The following RBMXL1 variants were observed in gnomAD, a reference collection of about 807,000 sequenced individuals.
The protein encoded by RBMXL1 is RNA binding motif protein, X-linked-like-1.
Under a neutral mutation model 29.0 loss-of-function variants are expected in RBMXL1, and 18 were observed. The ratio of observed to expected loss-of-function variants is 0.62; its 90% CI spans 0.43 to 0.92. The LOEUF is 0.92. RBMXL1 is among the 40% of genes least tolerant of loss of function. The probability of loss-of-function intolerance (pLI) is 0.00; values close to 1 mark genes in which losing one functional copy is unlikely to be tolerated. For synonymous variants in RBMXL1, 141 were observed against 170.4 expected, an observed-to-expected ratio of 0.83 and a Z score of 1.34; for missense variants, 403 against 495.8, an observed-to-expected ratio of 0.81 and a Z score of 1.78.
intron 2 of RBMXL1, among the ~76,000 whole-genome samples, chr1:88,986,192 A>G (rs1043369337): frequency 3.3e-5 from 5 of 150,106 alleles, no homozygotes; most frequent in Admixed American, 6.6e-5. Context: ...AAAAAAAAAA[A>G]AGAGAGAGAG....
intron 1 of RBMXL1, among the ~76,000 whole-genome samples, chr1:88,991,807 G>A (rs1035461494): frequency 6.6e-6 from 1 of 152,236 alleles, no homozygotes; most frequent in Non-Finnish European, 1.5e-5. Flanking sequence ...GGGCTGACCT[G>A]CAGCCCCAGT....
At position 88,982,937 on chromosome 1, in the gene RBMXL1, G is replaced by C; in HGVS notation, c.890C>G (p.Thr297Arg). Residue 297 changes from threonine (T) to arginine (R), a missense_variant, in exon 3 of 3, where the codon ACA becomes AGA. Transcript: ENST00000652648. Reference sequence around the variant, plus strand: ...ACCATAAGATGGCGGGGGCCCTCGTGTAAGTGGAGCACTACGTGAGTTACC... The same window carrying C: ...ACCATAAGATGGCGGGGGCCCTCGTCTAAGTGGAGCACTACGTGAGTTACC... ...SYGNSRSAPLTRGPPPSYGGS... is the reference protein window; with the variant it reads ...SYGNSRSAPLRRGPPPSYGGS... 1 of 1,613,982 alleles carries C rather than the reference G, an allele frequency of 6.2e-7. No individual in the cohort carries two copies. Among genetic ancestry groups the C allele is most frequent in the South Asian group, 1.1e-5 (1 of 91,076 alleles).
At position 88,983,357 on chromosome 1, in the gene RBMXL1, C is replaced by G. The variant is rs752891442; in HGVS notation, c.470G>C (p.Ser157Thr). The G allele has an allele frequency of 3.6e-5, 58 of 1,614,064 alleles. No individual in the cohort carries two copies. Among genetic ancestry groups the G allele is most frequent in the Non-Finnish European group, 4.7e-5 (55 of 1,180,032 alleles). The change falls in exon 3 of 3, where the codon AGT (serine) becomes ACT (threonine). Residue 157 changes from serine (S) to threonine (T), a missense_variant. Ser to Thr is a moderately conservative substitution (Grantham distance 58). Coordinates refer to ENST00000652648, the MANE Select transcript of RBMXL1 (RefSeq NM_001162536.3). ...LPVKRGPPPRSGGPSPKRSAP... is the reference protein window; with the variant it reads ...LPVKRGPPPRTGGPSPKRSAP... ...AGATCTCTTAGGAGAAGGACCCCCACTTCTTGGTGGTGGTCCTCTTTTTAC... is the reference window on the plus strand; with the variant it reads ...AGATCTCTTAGGAGAAGGACCCCCAGTTCTTGGTGGTGGTCCTCTTTTTAC...
Position 88,982,126 on chromosome 1 carries a change from G to A in RBMXL1, c.*528C>T. On this transcript the variant is annotated 3_prime_UTR_variant, in exon 3 of 3. Transcript: ENST00000652648. ...TCCATTTGCTTTTTTTGGGTTTACT[G>A]GGTGAATAGCACTTTCCTTACATAG... 1.0e-6 allele frequency: 1 copy of A among 981,344 alleles called. No individual in the cohort carries two copies. Among genetic ancestry groups the A allele is most frequent in the African/African-American group, 1.7e-5 (1 of 57,174 alleles). The allele number at this position is 981,344 out of a possible 1,614,324, so 60.8% of individuals were successfully genotyped here.
At position 88,979,729 on chromosome 1, in the gene RBMXL1, G is replaced by A. The variant is rs1204635129; in HGVS notation, c.*2925C>T. The A allele has an allele frequency of 3.3e-5, 5 of 152,208 alleles. No homozygotes were observed. Among genetic ancestry groups the A allele is most frequent in the African/African-American group, 1.2e-4 (5 of 41,454 alleles). 9.4% of individuals were successfully genotyped at this position (152,208 alleles called of 1,614,324 possible). ...ATACAACCCTGGTGGGAATATAAAA[G>A]GGTATAGCCCCTTTGGAAAACAAAC... On this transcript the variant is annotated 3_prime_UTR_variant, in exon 3 of 3. Transcript: ENST00000652648.
rs779772048 is a variant in RBMXL1, at chr1:88,983,007, C to A, written c.820G>T (p.Asp274Tyr). The change falls in exon 3 of 3, where the codon GAT (aspartate) becomes TAT (tyrosine). Residue 274 changes from aspartate to tyrosine, a missense_variant. Coordinates refer to ENST00000652648, the MANE Select transcript of RBMXL1 (RefSeq NM_001162536.3). ...CTGTAGGAACCTCCACTTGGATGAT[C>A]TGAATAGTCACGATCACGACCATAT... ...DGYGRDRDYS[D>Y]HPSGGSYRDS... 1 of 1,613,138 alleles carries A rather than the reference C, an allele frequency of 6.2e-7. No individual in the cohort carries two copies. The highest frequency in any genetic ancestry group is 1.3e-5 in the African/African-American group (1 of 75,034).
chr1:88,990,189 A>T (rs1176678930), intron 1 of RBMXL1, among the ~76,000 whole-genome samples: 1 of 152,084 alleles, frequency 6.6e-6, no homozygotes, highest in Non-Finnish European at 1.5e-5. Flanking sequence ...CTTAGATCTC[A>T]TTCCCTCTAC....
chr1:88,983,515 A>T lies in RBMXL1; in HGVS notation c.312T>A (p.Gly104=), dbSNP rs780564615. ...HGPPPPPRSR[G]PPRGFGAGRG... is the part of the protein sequence containing the mutation. ...TTCCAGCTCCAAAACCTCTTGGAGG[A>T]CCTCTACTTCTTGGAGGTGGGGGCG... The change falls in exon 3 of 3, where the codon GGT becomes GGA. Residue 104 remains glycine, a synonymous_variant. Transcript: ENST00000652648. The T allele has an allele frequency of 7.5e-6, 12 of 1,609,598 alleles. No individual in the cohort carries two copies. Among genetic ancestry groups the T allele is most frequent in the Non-Finnish European group, 1.0e-5 (12 of 1,178,706 alleles).
At chr1:88,991,442 G>A (rs922056082) in intron 1 of RBMXL1, among the ~76,000 whole-genome samples, 1 of 152,248 alleles carries the variant, frequency 6.6e-6, no homozygotes, top group African/African-American at 2.4e-5. Flanking sequence ...ACTGTTACAA[G>A]AGTCCGACCA....
At chr1:88,990,573 C>T (rs1169987704) in intron 1 of RBMXL1, among the ~76,000 whole-genome samples, 2 of 152,224 alleles carry the variant, frequency 1.3e-5, no homozygotes, top group Non-Finnish European at 2.9e-5. Context: ...CTTTTGACAT[C>T]TTACAATCTC....
At chr1:88,984,717 T>C (rs928472169) in intron 2 of RBMXL1, among the ~76,000 whole-genome samples, 1 of 152,210 alleles carries the variant, frequency 6.6e-6, no homozygotes, top group Non-Finnish European at 1.5e-5. Context: ...ACAGCACAGC[T>C]TTAGGGCTGA....
intron 1 of RBMXL1, among the ~76,000 whole-genome samples, chr1:88,990,430 T>C (rs955264146): frequency 1.3e-5 from 2 of 152,242 alleles, no homozygotes; most frequent in African/African-American, 4.8e-5. Context: ...CAACTCTTGC[T>C]AAAGTCAGTT....
chr1:88,984,204 C>CCTTT (rs1677299475), intron 2 of RBMXL1, 138 bp from the exon 3 acceptor site: 1 of 81,470 alleles, frequency 1.2e-5, no homozygotes, highest in Non-Finnish European at 2.6e-5. Flanking sequence ...TTTTTTGTTG[C>CCTTT]TTTTTTTTTT....
chr1:88,984,204 C>CTTTT (rs908183722), intron 2 of RBMXL1, 138 bp from the exon 3 acceptor site: 4,303 of 81,740 alleles, frequency 0.053, 683 homozygotes, highest in Non-Finnish European at 0.086. Context: ...TTTTTTGTTG[C>CTTTT]TTTTTTTTTT....
intron 2 of RBMXL1, among the ~76,000 whole-genome samples, chr1:88,986,858 G>A (rs370762195): frequency 9.9e-5 from 15 of 152,094 alleles, no homozygotes; most frequent in Non-Finnish European, 8.8e-5. Flanking sequence ...TTTTTCATTC[G>A]TCCAGCAATA....
Position 88,982,478 on chromosome 1 carries a change from T to C in RBMXL1, c.*176A>G, listed in dbSNP as rs1337068001. The C allele has an allele frequency of 4.5e-6, 5 of 1,108,724 alleles. No individual in the cohort carries two copies. Among genetic ancestry groups the C allele is most frequent in the Non-Finnish European group, 6.3e-6 (5 of 797,662 alleles). The allele number at this position is 1,108,724 out of a possible 1,614,324, so 68.7% of individuals were successfully genotyped here. On this transcript the variant is annotated 3_prime_UTR_variant, in exon 3 of 3. Transcript: ENST00000652648. ...TCATAAAGTCAAATAAAATTAAACA[T>C]GTTTTACTTTTTTCCTCACAAGAAC...
At chr1:88,987,722 T>C (rs1677545831) in intron 2 of RBMXL1, among the ~76,000 whole-genome samples, 1 of 152,222 alleles carries the variant, frequency 6.6e-6, no homozygotes, top group Admixed American at 6.5e-5. Flanking sequence ...CTTGGCATAT[T>C]ATCTAAAAAA....
rs1677218356 is a variant in RBMXL1, at chr1:88,983,356, A to T, written c.471T>A (p.Ser157Arg). Residue 157 changes from serine to arginine, a missense_variant, in exon 3 of 3, where the codon AGT (serine) becomes AGA (arginine). Transcript: ENST00000652648. Reference sequence around the variant, plus strand: ...CAGATCTCTTAGGAGAAGGACCCCCACTTCTTGGTGGTGGTCCTCTTTTTA... The same window carrying T: ...CAGATCTCTTAGGAGAAGGACCCCCTCTTCTTGGTGGTGGTCCTCTTTTTA... ...LPVKRGPPPR[S>R]GGPSPKRSAP... is the part of the protein sequence containing the mutation. 3 of 1,613,400 alleles carry T rather than the reference A, an allele frequency of 1.9e-6. No individual in the cohort carries two copies. The African/African-American group carries it at 4.0e-5, about 22-fold the overall frequency.
chr1:88,982,442 G>C lies in RBMXL1; in HGVS notation c.*212C>G. ...TTAACACATTTAACATTTGCTTGTT[G>C]AAAAGCAATGTCATAAAGTCAAATA... On this transcript the variant is annotated 3_prime_UTR_variant, in exon 3 of 3. Coordinates refer to ENST00000652648, the MANE Select transcript of RBMXL1 (RefSeq NM_001162536.3). The C allele has an allele frequency of 1.0e-6, 1 of 1,003,076 alleles. No individual in the cohort carries two copies. Among genetic ancestry groups the C allele is most frequent in the Admixed American group, 3.2e-5 (1 of 31,158 alleles). The allele number at this position is 1,003,076 out of a possible 1,614,324, so 62.1% of individuals were successfully genotyped here.
Sources: allele counts gnomAD v4.1 joint callset (sites outside exome capture counted in the v4.1 genomes callset), GRCh38; gene constraint gnomAD v4.1.1; transcripts MANE v1.5; gene names NCBI Gene and HGNC (gene_info 2026-07-23, HGNC 2026-07-21).